Variants in COMMD5 observed in about 807,000 individuals in gnomAD.
COMMD5 encodes COMM domain containing 5, also known as COMM domain-containing protein 5.
A neutral mutation model predicts 6.9 loss-of-function variants in COMMD5; 10 were observed. The ratio of observed to expected loss-of-function variants is 1.44; its 90% CI spans 0.89 to 2.45. The LOEUF (loss-of-function observed/expected upper bound fraction) is 2.45. COMMD5 is among the 30% of genes most tolerant of loss of function. The probability of loss-of-function intolerance (pLI) is 0.00; values close to 1 mark genes in which losing one functional copy is unlikely to be tolerated. For synonymous variants in COMMD5, 127 were observed against 125.3 expected, an observed-to-expected ratio of 1.01 and a Z score of -0.09; for missense variants, 234 against 287.8, an observed-to-expected ratio of 0.81 and a Z score of 1.35.
At chr8:144,837,999 G>C, downstream of COMMD5, 2 of 689,466 alleles carry the variant, frequency 2.9e-6, no homozygotes, top group South Asian at 3.0e-5. Context: ...GAAATTTATT[G>C]TCTCACAGCT....
downstream of COMMD5, chr8:144,846,768 G>C (rs546529776): frequency 1.3e-5 from 2 of 152,214 alleles, no homozygotes; most frequent in African/African-American, 4.8e-5. Flanking sequence ...GTGCGGTCTC[G>C]GCTCACTGCA....
chr8:144,845,080 C>T (rs1463308892), intron 1 of COMMD5, among the ~76,000 whole-genome samples: 1 of 152,150 alleles, frequency 6.6e-6, no homozygotes, highest in Admixed American at 6.5e-5. Flanking sequence ...CAGGGGAGGC[C>T]ACACAGGTCT....
At chr8:144,840,849 G>A (rs375947513), downstream of COMMD5, among the ~76,000 whole-genome samples, 27 of 152,296 alleles carry the variant, frequency 1.8e-4, no homozygotes, top group South Asian at 8.3e-4. Flanking sequence ...AGCCATGAAC[G>A]GCCTAGGTGC....
rs766144391 is a variant in COMMD5 at position 144,841,868 on chromosome 8, A to T, written c.*117-125T>A. On this transcript the variant is annotated intron_variant and NMD_transcript_variant, in intron 1 of 1. Transcript: ENST00000530332. ...GGAGAGAAGCCGTACGAATGTGCAG[A>T]GTGTGGGAAAGTCTTCAGGCTCTGC... 57 of 1,613,992 alleles carry T rather than the reference A, an allele frequency of 3.5e-5. No homozygotes were observed. Among genetic ancestry groups the T allele is most frequent in the Non-Finnish European group, 4.5e-5 (53 of 1,179,998 alleles).
At chr8:144,840,844 T>C (rs559710874), downstream of COMMD5, among the ~76,000 whole-genome samples, 1 of 152,298 alleles carries the variant, frequency 6.6e-6, no homozygotes, top group East Asian at 1.9e-4. Flanking sequence ...GGAGTAGCCA[T>C]GAACGGCCTA....
chr8:144,853,455 CG>C (rs1830843986), upstream of COMMD5: 1 of 152,164 alleles, frequency 6.6e-6, no homozygotes, highest in Non-Finnish European at 1.5e-5. Flanking sequence ...CAGCGCGGAG[CG>C]GAGCCGAGCG....
chr8:144,838,027 G>A (rs945884666), downstream of COMMD5: 1 of 698,044 alleles, frequency 1.4e-6, no homozygotes, highest in Non-Finnish European at 2.6e-6. Flanking sequence ...CCGGAAATCT[G>A]AAACCGGGGG....
chr8:144,848,311 A>G (rs1179006251), downstream of COMMD5, among the ~76,000 whole-genome samples: 1 of 152,012 alleles, frequency 6.6e-6, no homozygotes, highest in Non-Finnish European at 1.5e-5. Flanking sequence ...CTCAAAAAAA[A>G]AGGAAAATTT....
chr8:144,850,426 G>A lies in COMMD5; in HGVS notation c.*238C>T. The A allele has an allele frequency of 2.0e-6, 1 of 507,738 alleles. No homozygotes were observed. Among genetic ancestry groups the A allele is most frequent in the Non-Finnish European group, 3.5e-6 (1 of 287,924 alleles). The allele number at this position is 507,738 out of a possible 1,614,324, so 31.5% of individuals were successfully genotyped here. A position where few individuals can be genotyped will look rare whatever the true frequency, so the allele number is the denominator to read the frequency against. ...ACAAATGTACAGGGAAGGGGAGGGTGTGAGGTCCAACACTCACCTATAGAA... is the reference window on the plus strand; with the variant it reads ...ACAAATGTACAGGGAAGGGGAGGGTATGAGGTCCAACACTCACCTATAGAA... On this transcript the variant is annotated 3_prime_UTR_variant, in exon 2 of 2. Transcript: ENST00000305103. The surrounding 1 kb of genome is among the most constrained non-coding windows in gnomAD (Gnocchi z 4.0).
At chr8:144,845,479 G>A (rs1231077210), downstream of COMMD5, among the ~76,000 whole-genome samples, 2 of 152,252 alleles carry the variant, frequency 1.3e-5, no homozygotes, top group East Asian at 3.9e-4. Flanking sequence ...AGGGAGGCGT[G>A]GCTGATGGCA....
chr8:144,849,373 C>G (rs1830639841), downstream of COMMD5, among the ~76,000 whole-genome samples: 2 of 152,164 alleles, frequency 1.3e-5, no homozygotes, highest in Non-Finnish European at 2.9e-5. Context: ...GGGCTCCTCC[C>G]AGAGTCTACT....
At chr8:144,849,957 C>T (rs1460708430), downstream of COMMD5, among the ~76,000 whole-genome samples, 1 of 152,112 alleles carries the variant, frequency 6.6e-6, no homozygotes, top group Non-Finnish European at 1.5e-5. Flanking sequence ...ATGATCTCCA[C>T]CTGCTTGGCT....
chr8:144,846,146 A>C (rs1830501239), downstream of COMMD5: 1 of 1,536,124 alleles, frequency 6.5e-7, no homozygotes, highest in Non-Finnish European at 8.7e-7. Flanking sequence ...TCAGGACAGA[A>C]GGAGGGGAAC....
intron 1 of COMMD5, chr8:144,843,363 G>C: frequency 1.7e-6 from 1 of 589,652 alleles, no homozygotes; most frequent in Non-Finnish European, 2.8e-6. Context: ...GCCAAGGCGG[G>C]CACATCACGA....
At chr8:144,843,033 AT>A (rs1205166454) in intron 1 of COMMD5, 2 of 1,614,204 alleles carry the variant, frequency 1.2e-6, no homozygotes, top group Admixed American at 3.3e-5. Flanking sequence ...GTGAGAAGAT[AT>A]TTAGGTGGCG....
rs777370514 is a variant in COMMD5 at position 144,851,389 on chromosome 8, C to G, written c.-51G>C. Reference sequence around the variant, plus strand: ...CAGCCCAGGAGGTCGGTCCCAGATGCAGATGCCTAGAGTGGGGTGGAGGAG... The same window carrying G: ...CAGCCCAGGAGGTCGGTCCCAGATGGAGATGCCTAGAGTGGGGTGGAGGAG... On this transcript the variant is annotated 5_prime_UTR_variant, in exon 2 of 2. Coordinates refer to ENST00000305103, the MANE Select transcript of COMMD5 (RefSeq NM_014066.4). 5 of 1,560,024 alleles carry G rather than the reference C, an allele frequency of 3.2e-6. No homozygotes were observed. The highest frequency in any genetic ancestry group is 3.5e-6 in the Non-Finnish European group (4 of 1,148,676).
chr8:144,842,177 C>T (rs749194864), intron 1 of COMMD5: 6 of 1,614,116 alleles, frequency 3.7e-6, no homozygotes, highest in Non-Finnish European at 5.1e-6. Context: ...AGAACTCACA[C>T]TGGGGAGAGG....
At chr8:144,843,161 T>C (rs1299254542) in intron 1 of COMMD5, 1 of 1,586,236 alleles carries the variant, frequency 6.3e-7, no homozygotes, top group Non-Finnish European at 8.6e-7. Flanking sequence ...AAAATTCACA[T>C]GGGATAGACC....
chr8:144,839,491 A>G (rs1423144996), downstream of COMMD5, among the ~76,000 whole-genome samples: 2 of 152,264 alleles, frequency 1.3e-5, no homozygotes, highest in African/African-American at 4.8e-5. Context: ...AGGAGCGTTT[A>G]AAGAGGGTGC....
Sources: allele counts gnomAD v4.1 joint callset (sites outside exome capture counted in the v4.1 genomes callset), GRCh38; gene constraint gnomAD v4.1.1; non-coding constraint Gnocchi (gnomAD v3.1); transcripts MANE v1.5; gene names NCBI Gene and HGNC (gene_info 2026-07-23, HGNC 2026-07-21).